Variants in SEPTIN4 observed in about 807,000 individuals in gnomAD.
SEPTIN4 encodes septin-4.
SEPTIN4 carries 52 observed loss-of-function variants against 107.1 expected under a neutral mutation model. The ratio of observed to expected loss-of-function variants is 0.49; its 90% confidence interval spans 0.39 to 0.61. SEPTIN4 has a LOEUF of 0.61. Among genes scored for constraint, SEPTIN4 ranks in the 20% least tolerant of loss-of-function variants. SEPTIN4 has a pLI of 0.00. For synonymous variants in SEPTIN4, 417 were observed against 467.0 expected (o/e 0.89, Z 1.38); for missense variants, 1,048 against 1,243.5 (o/e 0.84, Z 2.36).
Position 58,521,633 on chromosome 17 carries a change from A to G in SEPTIN4, c.2483T>C (p.Ile828Thr), listed in dbSNP as rs143983549. The G allele has an allele frequency of 2.1e-4, 337 of 1,614,130 alleles. No individual in the cohort carries two copies. Among genetic ancestry groups the G allele is most frequent in the Non-Finnish European group, 2.6e-4 (304 of 1,180,014 alleles). Residue 828 changes from isoleucine (I) to threonine (T), a missense_variant, in exon 10 of 14, where the codon ATT becomes ACT. Physicochemically the swap from Ile to Thr is moderately conservative, Grantham distance 89 (BLOSUM62 -1). Transcript: ENST00000672673. This position sits in a 1 kb window ranked among gnomAD's most constrained non-coding sequence, Gnocchi z 6.4. ...ATAGATCTTGATTCCAAAATGCTCA[A>G]TCTCCTCCCGGATCTGACAAACAGA... Reference protein sequence around the residue: ...DHKKRKIREEIEHFGIKIYQF... With the variant: ...DHKKRKIREETEHFGIKIYQF...
At chr17:58,522,598 G>T (rs1184605074) in intron 7 of SEPTIN4, among the ~76,000 whole-genome samples, 3 of 150,216 alleles carry the variant, frequency 2.0e-5, no homozygotes, top group Non-Finnish European at 4.4e-5. Flanking sequence ...GGAGGCAGAG[G>T]TTGCAGTGAG....
In SEPTIN4 at chr17:58,526,895, G is replaced by T. The variant is rs762118000; in HGVS notation, c.1698C>A (p.His566Gln). Residue 566 changes from histidine to glutamine, a missense_variant, in exon 4 of 14, where the codon CAC becomes CAA. Coordinates refer to ENST00000672673, the MANE Select transcript of SEPTIN4 (RefSeq NM_001368771.2). ...VKDFSGNASC[H>Q]PPEAKTWASR... Reference sequence around the variant, plus strand: ...ATGCCCAGGTCTTAGCCTCTGGTGGGTGGCAGCTCGCATTTCCTGAGAAAT... The same window carrying T: ...ATGCCCAGGTCTTAGCCTCTGGTGGTTGGCAGCTCGCATTTCCTGAGAAAT... 1.2e-6 allele frequency: 2 copies of T among 1,614,134 alleles called. No individual in the cohort carries two copies. The highest frequency in any genetic ancestry group is 1.7e-5 in the Admixed American group (1 of 60,026).
chr17:58,540,052 T>TA (rs1417759765), intron 3 of SEPTIN4, among the ~76,000 whole-genome samples: 3 of 152,140 alleles, frequency 2.0e-5, no homozygotes, highest in African/African-American at 7.2e-5. Context: ...CTTTGGGTAA[T>TA]AGAGAAATAT....
In SEPTIN4 at chr17:58,521,381, C is replaced by T. The variant is rs200878134; in HGVS notation, c.2572-31G>A. 32 of 1,602,050 alleles carry T rather than the reference C, an allele frequency of 2.0e-5. No individual in the cohort carries two copies. In the Admixed American group the frequency reaches 4.0e-4, roughly 20 times the overall value. ...AGAGGTTAGGGGTGCCTGTCAGCAC[C>T]CTCTGTTCTCACCTCTTTCTTTCCA... On this transcript the variant is annotated intron_variant, in intron 10 of 13. Transcript: ENST00000672673. The surrounding 1 kb of genome is among the most constrained non-coding windows in gnomAD (Gnocchi z 6.4).
At chr17:58,540,202 G>A (rs2043839771) in intron 3 of SEPTIN4, among the ~76,000 whole-genome samples, 1 of 152,192 alleles carries the variant, frequency 6.6e-6, no homozygotes, top group African/African-American at 2.4e-5. Flanking sequence ...TGACAGCAGA[G>A]TCCACCTTGA....
rs2144275322 is a variant in SEPTIN4, at chr17:58,543,372, A to G, written c.815T>C (p.Leu272Ser). The G allele has an allele frequency of 6.2e-7, 1 of 1,614,210 alleles. No homozygotes were observed. Among genetic ancestry groups the G allele is most frequent in the Non-Finnish European group, 8.5e-7 (1 of 1,180,024 alleles). ...ATCTTTAAGGACAGAGAGTTTGAGC[A>G]ATGAGTCCAAGTTCATATTCCTATA... ...ALYRNMNLDS[L>S]LKLSVLKDSD... Residue 272 changes from leucine (L) to serine (S), a missense_variant, in exon 1 of 14, where the codon TTG becomes TCG. Coordinates refer to ENST00000672673, the MANE Select transcript of SEPTIN4 (RefSeq NM_001368771.2).
intron 3 of SEPTIN4, chr17:58,528,061 C>A (rs1250285292): frequency 1.0e-6 from 1 of 984,516 alleles, no homozygotes; most frequent in Non-Finnish European, 1.2e-6. Flanking sequence ...GGGCTCAGCT[C>A]TGCCTCACAA....
intron 3 of SEPTIN4, among the ~76,000 whole-genome samples, chr17:58,534,822 C>T (rs1691050839): frequency 6.6e-6 from 1 of 152,194 alleles, no homozygotes; most frequent in East Asian, 1.9e-4. Context: ...TTCCTGCCCA[C>T]CCATAGGTGC....
Position 58,526,567 on chromosome 17 carries a change from CACACAA to C in SEPTIN4, c.1911+109_1911+114del, listed in dbSNP as rs1274052594. ...CTGAAATAGGTCCCAGATACACACA[CACACAA>C]ACACACACACACACACACACACACA... On this transcript the variant is annotated intron_variant, in intron 4 of 13. Coordinates refer to ENST00000672673, the MANE Select transcript of SEPTIN4 (RefSeq NM_001368771.2). 1.3e-5 allele frequency: 18 copies of C among 1,392,256 alleles called. No individual in the cohort carries two copies. The African/African-American group carries it at 1.4e-4, about 11-fold the overall frequency. 86.2% of individuals were successfully genotyped at this position (1,392,256 alleles called of 1,614,324 possible). A position where few individuals can be genotyped will look rare whatever the true frequency, so the allele number is the denominator to read the frequency against.
chr17:58,536,042 C>T (rs773157117), intron 3 of SEPTIN4, among the ~76,000 whole-genome samples: 10 of 152,202 alleles, frequency 6.6e-5, no homozygotes, highest in Non-Finnish European at 1.3e-4. Context: ...TTTCCCTTCA[C>T]AATTCTTGAT....
chr17:58,533,304 C>T (rs1467712667), intron 3 of SEPTIN4, among the ~76,000 whole-genome samples: 2 of 152,172 alleles, frequency 1.3e-5, no homozygotes, highest in African/African-American at 4.8e-5. Flanking sequence ...GAGGAGAAAC[C>T]TTCCTAGCTG....
In SEPTIN4 at chr17:58,543,004, C is replaced by T; in HGVS notation, c.1183G>A (p.Glu395Lys). The change falls in exon 1 of 14, where the codon GAA (glutamate) becomes AAA (lysine). Residue 395 changes from glutamate (E) to lysine (K), a missense_variant. By Grantham distance (56) the Glu-to-Lys change is moderately conservative. Around this residue, in one of 2 missense-constraint regions of SEPTIN4, gnomAD observed 787 missense variants for 871.8 expected, o/e 0.90. Coordinates refer to ENST00000672673, the MANE Select transcript of SEPTIN4 (RefSeq NM_001368771.2). The part of the protein sequence containing the change: ...MSQGPTPRYP[E>K]LSQKPSIHAE... ...TGGATGGAGGGCTTTTGCGAGAGTT[C>T]TGGATACCTGGGTGTAGGTCCTTGG... 1 of 1,612,202 alleles carries T rather than the reference C, an allele frequency of 6.2e-7. No homozygotes were observed. Among genetic ancestry groups the T allele is most frequent in the East Asian group, 2.2e-5 (1 of 44,870 alleles).
intron 3 of SEPTIN4, chr17:58,532,144 G>A (rs2144206427): frequency 9.7e-6 from 10 of 1,033,788 alleles, no homozygotes; most frequent in Non-Finnish European, 9.3e-6. Context: ...CTGTACCTCA[G>A]CTGCTAGCGG....
At chr17:58,524,421 C>A (rs935075553) in intron 7 of SEPTIN4, among the ~76,000 whole-genome samples, 19 of 152,156 alleles carry the variant, frequency 1.2e-4, no homozygotes, top group Non-Finnish European at 1.5e-5. Context: ...ACATGCCCAG[C>A]CCTTCAACAA....
chr17:58,525,437 T>C (rs769911425), intron 6 of SEPTIN4: 1 of 618,754 alleles, frequency 1.6e-6, no homozygotes, highest in Admixed American at 3.0e-5. Context: ...TCCCGGTTTT[T>C]TTCTTGGATT....
At chr17:58,526,473 C>G (rs2042887117) in intron 4 of SEPTIN4, 160 bp from the exon 5 acceptor site, 1 of 1,393,580 alleles carries the variant, frequency 7.2e-7, no homozygotes, top group Admixed American at 3.4e-5. Context: ...GGGCCTCCTG[C>G]CCTTGCTGAA....
rs750841506 is a variant in SEPTIN4, at chr17:58,521,093, G to A, written c.2736C>T (p.Asp912=). ...GTGTCTCCCGTGTCACATCCTTCAG[G>A]TCCTGCATGTGGGTACGTACCAGCA... is the stretch of plus-strand genomic sequence containing the variant. ...RTMLVRTHMQ[D]LKDVTRETHY... Residue 912 remains aspartate (D), a synonymous_variant, in exon 12 of 14, where the codon GAC becomes GAT. Transcript: ENST00000672673. The surrounding 1 kb of genome is among the most constrained non-coding windows in gnomAD (Gnocchi z 6.4). 4 of 1,614,106 alleles carry A rather than the reference G, an allele frequency of 2.5e-6. No homozygotes were observed. The highest frequency in any genetic ancestry group is 2.5e-6 in the Non-Finnish European group (3 of 1,180,026).
At chr17:58,540,780 A>G in intron 2 of SEPTIN4, 107 bp from the exon 3 acceptor site, 3 of 1,205,654 alleles carry the variant, frequency 2.5e-6, no homozygotes, top group Non-Finnish European at 3.2e-6. Flanking sequence ...TGCCCAGTGG[A>G]CTTGGGCAAA....
At chr17:58,541,559 G>A in intron 2 of SEPTIN4, 1 of 392,560 alleles carries the variant, frequency 2.5e-6, no homozygotes, top group Non-Finnish European at 4.5e-6. Context: ...GCCTGAATTA[G>A]CGTGAAGTCA....
Sources: allele counts gnomAD v4.1 joint callset (sites outside exome capture counted in the v4.1 genomes callset), GRCh38; gene constraint gnomAD v4.1.1; regional missense constraint gnomAD v4.1.1; non-coding constraint Gnocchi (gnomAD v3.1); transcripts MANE v1.5; gene names NCBI Gene and HGNC (gene_info 2026-07-23, HGNC 2026-07-21).